CDK14: variants seen among roughly 807,000 people sequenced by gnomAD.
CDK14 encodes the protein cyclin-dependent kinase 14.
A neutral mutation model predicts 60.7 loss-of-function variants in CDK14; 34 were observed. The observed-to-expected ratio is 0.56, with a 90% CI of 0.43 to 0.75. The LOEUF is 0.75. Among genes scored for constraint, CDK14 ranks in the 30% least tolerant of loss-of-function variants. The pLI, the probability that CDK14 is intolerant of heterozygous loss-of-function variation, is 0.00. For missense variants in CDK14, 482 were observed against 564.1 expected, an observed-to-expected ratio of 0.85 and a Z score of 1.47; for synonymous variants, 197 against 203.7, an observed-to-expected ratio of 0.97 and a Z score of 0.28.
chr7:90,637,776 C>A (rs1313655284), intron 2 of CDK14, among the ~76,000 whole-genome samples: 1 of 94,194 alleles, frequency 1.1e-5, no homozygotes, highest in African/African-American at 4.7e-5. Flanking sequence ...GTCTAAGTCT[C>A]TTTGTAGGTC....
chr7:90,811,062 G>A (rs147197673), intron 5 of CDK14, among the ~76,000 whole-genome samples: 4,627 of 152,224 alleles, frequency 0.03, 81 homozygotes, highest in South Asian at 0.06. Context: ...TATAGATTCA[G>A]TGCCATCCCC....
chr7:90,728,174 G>A (rs1050531833), intron 3 of CDK14, among the ~76,000 whole-genome samples: 24 of 151,810 alleles, frequency 1.6e-4, no homozygotes, highest in Non-Finnish European at 2.9e-4. Flanking sequence ...CTGCTTTTTT[G>A]TTTGTGGAAC....
chr7:91,009,865 C>T (rs1332377024), intron 10 of CDK14, among the ~76,000 whole-genome samples: 1 of 152,070 alleles, frequency 6.6e-6, no homozygotes, highest in Non-Finnish European at 1.5e-5. Context: ...ACCCCATGGT[C>T]ACAAAGATTT....
intron 4 of CDK14, among the ~76,000 whole-genome samples, chr7:90,760,543 G>A (rs1029176779): frequency 6.6e-6 from 1 of 152,130 alleles, no homozygotes; most frequent in African/African-American, 2.4e-5. Context: ...TACAAGCTCT[G>A]CTGTAGGATG....
intron 2 of CDK14, among the ~76,000 whole-genome samples, chr7:90,699,257 G>A (rs1290177027): frequency 6.6e-6 from 1 of 152,202 alleles, no homozygotes; most frequent in African/African-American, 2.4e-5. Flanking sequence ...ACCAAGACAA[G>A]TACAAGCCCT....
intron 5 of CDK14, among the ~76,000 whole-genome samples, chr7:90,794,782 A>G (rs1262704092): frequency 6.6e-6 from 1 of 152,202 alleles, no homozygotes; most frequent in Non-Finnish European, 1.5e-5. Context: ...TAAGAGATTA[A>G]AGTAAAGACA....
intron 8 of CDK14, among the ~76,000 whole-genome samples, chr7:90,940,855 C>T (rs976295836): frequency 3.3e-5 from 5 of 151,900 alleles, no homozygotes; most frequent in Non-Finnish European, 7.4e-5. Flanking sequence ...TTATATAAAT[C>T]TATCTATGTA....
chr7:91,156,479 C>A (rs142685171), intron 14 of CDK14, among the ~76,000 whole-genome samples: 1,564 of 151,804 alleles, frequency 0.01, 38 homozygotes, highest in African/African-American at 0.036. Flanking sequence ...TTTCTTCTCG[C>A]TCTCTCTTGC....
chr7:90,959,466 G>A (rs544872284), intron 9 of CDK14, among the ~76,000 whole-genome samples: 1 of 152,284 alleles, frequency 6.6e-6, no homozygotes, highest in South Asian at 2.1e-4. Context: ...GGTATTGAGA[G>A]AACTAGAAAT....
At chr7:91,012,739 G>A (rs1796196246) in intron 10 of CDK14, among the ~76,000 whole-genome samples, 1 of 152,130 alleles carries the variant, frequency 6.6e-6, no homozygotes, top group African/African-American at 2.4e-5. Context: ...GACTGGAAGG[G>A]GAAGTTGTGA....
At chr7:90,832,477 AC>A (rs1257986260) in intron 5 of CDK14, among the ~76,000 whole-genome samples, 2 of 152,174 alleles carry the variant, frequency 1.3e-5, no homozygotes, top group East Asian at 3.9e-4. Flanking sequence ...CATGGAATTT[AC>A]ATTAGACAAT....
chr7:90,668,596 T>G (rs954406381), intron 2 of CDK14, among the ~76,000 whole-genome samples: 1 of 148,510 alleles, frequency 6.7e-6, no homozygotes, highest in Non-Finnish European at 1.5e-5. Context: ...ATCAGATAGA[T>G]TTATCTCTTT....
At chr7:90,892,225 T>A (rs138750313) in intron 6 of CDK14, among the ~76,000 whole-genome samples, 1 of 151,436 alleles carries the variant, frequency 6.6e-6, no homozygotes, top group Non-Finnish European at 1.5e-5. Flanking sequence ...CAAAGGTGAG[T>A]GTTGTTTTCT....
chr7:91,199,487 C>T (rs557810352), intron 14 of CDK14, among the ~76,000 whole-genome samples: 38 of 152,168 alleles, frequency 2.5e-4, no homozygotes, highest in African/African-American at 9.1e-4. Flanking sequence ...CAGTGTTTTC[C>T]ATTTGCATAA....
chr7:91,030,773 ACTT>A (rs2115934992), intron 10 of CDK14, among the ~76,000 whole-genome samples: 1 of 152,230 alleles, frequency 6.6e-6, no homozygotes, highest in South Asian at 2.1e-4. Flanking sequence ...AGTTCTTGTC[ACTT>A]CTTCTAAGTC....
At chr7:90,657,770 T>C (rs1800780455) in intron 2 of CDK14, among the ~76,000 whole-genome samples, 1 of 152,186 alleles carries the variant, frequency 6.6e-6, no homozygotes, top group Admixed American at 6.5e-5. Context: ...ACAGCAAAAA[T>C]AAAAATTTAA....
At chr7:91,183,975 A>G (rs759145580) in intron 14 of CDK14, among the ~76,000 whole-genome samples, 7 of 152,188 alleles carry the variant, frequency 4.6e-5, no homozygotes, top group South Asian at 2.1e-4. Context: ...CAGGAGGATC[A>G]CTTGAGGCCA....
chr7:90,724,649 C>G (rs892227342), intron 2 of CDK14, among the ~76,000 whole-genome samples: 2 of 151,862 alleles, frequency 1.3e-5, no homozygotes, highest in Non-Finnish European at 2.9e-5. Context: ...TTTATTTAGT[C>G]CAAGATGCTT....
chr7:90,661,212 A>G (rs1412462624), intron 2 of CDK14, among the ~76,000 whole-genome samples: 1 of 152,160 alleles, frequency 6.6e-6, no homozygotes, highest in Non-Finnish European at 1.5e-5. Context: ...TTTTTCTCAA[A>G]CTGAAATTAA....
Sources: gnomAD v4.1 joint callset for allele counts (sites outside exome capture counted in the v4.1 genomes callset) on GRCh38, gnomAD v4.1.1 for gene constraint, MANE v1.5 for transcripts, NCBI Gene and HGNC (gene_info 2026-07-23, HGNC 2026-07-21) for gene names.